ZNF132: variants seen among roughly 807,000 people sequenced by gnomAD.
The protein encoded by ZNF132 is zinc finger protein 132 (clone pHZ-12).
A neutral mutation model predicts 9.3 loss-of-function variants in ZNF132; 6 were observed. The ratio of observed to expected loss-of-function variants is 0.65; its 90% CI spans 0.35 to 1.28. ZNF132 has a LOEUF of 1.28. Among genes scored for constraint, ZNF132 ranks in the 50% most tolerant of loss-of-function variants. The pLI, the probability that ZNF132 is intolerant of heterozygous loss-of-function variation, is 0.03. For missense variants in ZNF132, 877 were observed against 843.2 expected, an observed-to-expected ratio of 1.04 and a Z score of -0.50; for synonymous variants, 296 against 292.0, an observed-to-expected ratio of 1.01 and a Z score of -0.14.
chr19:58,432,861 G>T lies in ZNF132; in HGVS notation c.*462C>A, dbSNP rs753192900. 101 of 170,536 alleles carry T rather than the reference G, an allele frequency of 5.9e-4. No homozygotes were observed. Among genetic ancestry groups the T allele is most frequent in the Non-Finnish European group, 1.1e-3 (86 of 77,856 alleles). 10.6% of individuals were successfully genotyped at this position (170,536 alleles called of 1,614,324 possible). ...ATTATCACCAGTTAGTGCAGGCAAGGTAGGTGATTCCAGTGGAGGGTGATT... is the reference window on the plus strand; with the variant it reads ...ATTATCACCAGTTAGTGCAGGCAAGTTAGGTGATTCCAGTGGAGGGTGATT... On this transcript the variant is annotated 3_prime_UTR_variant, in exon 3 of 3. Coordinates refer to ENST00000254166, the MANE Select transcript of ZNF132 (RefSeq NM_003433.4).
At position 58,439,115 on chromosome 19, in the gene ZNF132, A is replaced by G. The variant is rs563193892; in HGVS notation, c.63+644T>C. Among the ~76,000 whole-genome samples the G allele has an allele frequency of 2.6e-5, 4 of 152,302 alleles. No individual in the cohort carries two copies. In the South Asian group the frequency reaches 8.3e-4, roughly 32 times the overall value. ...ATTTCACTTTCTTTCACTGTCCCAC[A>G]TCAGGTAATCCATGGCCCAGTTTGG... is the stretch of plus-strand genomic sequence containing the variant. On this transcript the variant is annotated intron_variant, in intron 1 of 2. Coordinates refer to ENST00000254166, the MANE Select transcript of ZNF132 (RefSeq NM_003433.4).
intron 1 of ZNF132, among the ~76,000 whole-genome samples, chr19:58,439,466 G>A (rs1331548365): frequency 2.0e-5 from 3 of 152,200 alleles, no homozygotes; most frequent in Admixed American, 6.5e-5. Context: ...GCAGTCCCCA[G>A]AATGCTTCCA....
chr19:58,437,050 G>A lies in ZNF132; in HGVS notation c.229C>T (p.Leu77Phe), dbSNP rs373902742. The change falls in exon 2 of 3, where the codon CTT (leucine) becomes TTT (phenylalanine). Residue 77 changes from leucine to phenylalanine, a missense_variant. By Grantham distance (22) the Leu-to-Phe change is conservative. Coordinates refer to ENST00000254166, the MANE Select transcript of ZNF132 (RefSeq NM_003433.4). Reference protein sequence around the residue: ...MLENLELVTSLGSWHGVEGEG... With the variant: ...MLENLELVTSFGSWHGVEGEG... ...CCATGCTGAGACAGGGCATTACCAA[G>A]TGAGGTCACAAGCTCAAGGTTTTCC... 4.6e-5 allele frequency: 74 copies of A among 1,614,046 alleles called. No homozygotes were observed. Among genetic ancestry groups the A allele is most frequent in the Non-Finnish European group, 6.2e-5 (73 of 1,180,044 alleles).
At position 58,435,229 on chromosome 19, in the gene ZNF132, C is replaced by A. The variant is rs1490845761; in HGVS notation, c.233-18G>T. 1 of 1,589,168 alleles carries A rather than the reference C, an allele frequency of 6.3e-7. No individual in the cohort carries two copies. On this transcript the variant is annotated intron_variant, in intron 2 of 2. Coordinates refer to ENST00000254166, the MANE Select transcript of ZNF132 (RefSeq NM_003433.4). ...CCAAGAACCTGAAAGTAGAGAAATG[C>A]CAGTTAACTAAGAATTCCACTTGGT...
At chr19:58,437,742 G>A (rs903109760) in intron 1 of ZNF132, 2 of 985,162 alleles carry the variant, frequency 2.0e-6, no homozygotes, top group African/African-American at 3.5e-5. Flanking sequence ...GATGCAACCG[G>A]GATCCATTCC....
Position 58,434,062 on chromosome 19 carries a change from C to G in ZNF132, c.1382G>C (p.Cys461Ser). The G allele has an allele frequency of 8.7e-6, 14 of 1,614,148 alleles. No individual in the cohort carries two copies. The highest frequency in any genetic ancestry group is 1.2e-5 in the Non-Finnish European group (14 of 1,180,016). The change falls in exon 3 of 3, where the codon TGC becomes TCC. Residue 461 changes from cysteine to serine, a missense_variant. Physicochemically the swap from Cys to Ser is moderately radical, Grantham distance 112. Coordinates refer to ENST00000254166, the MANE Select transcript of ZNF132 (RefSeq NM_003433.4). Reference protein sequence around the residue: ...KVHTGERPFECSECGRDFSQS... With the variant: ...KVHTGERPFESSECGRDFSQS... Reference sequence around the variant, plus strand: ...GCTGAAGTCTCTTCCACATTCACTGCACTCAAAAGGCCGTTCTCCGGTGTG... The same window carrying G: ...GCTGAAGTCTCTTCCACATTCACTGGACTCAAAAGGCCGTTCTCCGGTGTG...
chr19:58,434,028 G>A lies in ZNF132; in HGVS notation c.1416C>T (p.Ser472=), dbSNP rs780423703. 1.2e-5 allele frequency: 20 copies of A among 1,613,828 alleles called. No homozygotes were observed. The highest frequency in any genetic ancestry group is 1.7e-5 in the Non-Finnish European group (20 of 1,179,972). Residue 472 remains serine, a synonymous_variant, in exon 3 of 3, where the codon TCC becomes TCT. Coordinates refer to ENST00000254166, the MANE Select transcript of ZNF132 (RefSeq NM_003433.4). ...GAACTTTCTGATGTCGAAGGAGATG[G>A]GAGCTTTGGCTGAAGTCTCTTCCAC... The part of the protein sequence containing the change: ...SECGRDFSQS[S]HLLRHQKVHT...
Position 58,436,833 on chromosome 19 carries a change from G to A in ZNF132, c.232+214C>T. 4.2e-6 allele frequency: 3 copies of A among 708,838 alleles called. No individual in the cohort carries two copies. The South Asian group carries it at 4.4e-5, about 10-fold the overall frequency. 43.9% of individuals were successfully genotyped at this position (708,838 alleles called of 1,614,324 possible). ...GATCCCCAACCTTTGCCTCCACAAGGCTCCTGGGCAACAGCTATTAGGAAA... is the reference window on the plus strand; with the variant it reads ...GATCCCCAACCTTTGCCTCCACAAGACTCCTGGGCAACAGCTATTAGGAAA... On this transcript the variant is annotated intron_variant, in intron 2 of 2. Transcript: ENST00000254166.
Position 58,434,931 on chromosome 19 carries a change from T to A in ZNF132, c.513A>T (p.Arg171Ser). Residue 171 changes from arginine (R) to serine (S), a missense_variant, in exon 3 of 3, where the codon AGA becomes AGT. By Grantham distance (110) the Arg-to-Ser change is moderately radical. Transcript: ENST00000254166. ...QKEHSGGKPF[R>S]WYKDRDALMK... is the part of the protein sequence containing the mutation. The stretch of plus-strand genomic sequence containing the variant: ...TAAGTGCGTCCCTGTCCTTGTACCA[T>A]CTAAAGGGCTTCCCTCCACTGTGCT... 1 of 1,614,162 alleles carries A rather than the reference T, an allele frequency of 6.2e-7. No homozygotes were observed. The highest frequency in any genetic ancestry group is 1.1e-5 in the South Asian group (1 of 91,076).
rs2052793888 is a variant in ZNF132, at chr19:58,439,978, C to T, written c.-157G>A. On this transcript the variant is annotated 5_prime_UTR_variant, in exon 1 of 3. Coordinates refer to ENST00000254166, the MANE Select transcript of ZNF132 (RefSeq NM_003433.4). ...GCTGGGTATGGAGACCCTGGAGACGCGTGGCGCTGGCTCCACTTTCGGGAA... is the reference window on the plus strand; with the variant it reads ...GCTGGGTATGGAGACCCTGGAGACGTGTGGCGCTGGCTCCACTTTCGGGAA... The T allele has an allele frequency of 2.9e-6, 2 of 697,626 alleles. No individual in the cohort carries two copies. The highest frequency in any genetic ancestry group is 1.9e-5 in the African/African-American group (1 of 52,440). 43.2% of individuals were successfully genotyped at this position (697,626 alleles called of 1,614,324 possible).
At chr19:58,437,246 G>A (rs773397107) in intron 1 of ZNF132, 31 bp from the exon 2 acceptor site, 1 of 1,562,848 alleles carries the variant, frequency 6.4e-7, no homozygotes, top group Non-Finnish European at 8.6e-7. Flanking sequence ...TGGTCAAATG[G>A]AAATATGCAG....
chr19:58,439,863 T>C lies in ZNF132; in HGVS notation c.-42A>G. ...CTAGCCCTGCCGCTGGGCCGAACCC[T>C]CACACTTCCGCTGGGTGACGGTCGC... On this transcript the variant is annotated 5_prime_UTR_variant, in exon 1 of 3. Transcript: ENST00000254166. 6.5e-7 allele frequency: 1 copy of C among 1,529,080 alleles called. No homozygotes were observed. The highest frequency in any genetic ancestry group is 8.8e-7 in the Non-Finnish European group (1 of 1,136,280). The allele number at this position is 1,529,080 out of a possible 1,614,324, so 94.7% of individuals were successfully genotyped here. A position where few individuals can be genotyped will look rare whatever the true frequency, so the allele number is the denominator to read the frequency against.
At position 58,433,001 on chromosome 19, in the gene ZNF132, C is replaced by T. The variant is rs1449549485; in HGVS notation, c.*322G>A. The T allele has an allele frequency of 2.4e-5, 8 of 330,994 alleles. No homozygotes were observed. Among genetic ancestry groups the T allele is most frequent in the Non-Finnish European group, 4.4e-5 (8 of 182,672 alleles). The allele number at this position is 330,994 out of a possible 1,614,324, so 20.5% of individuals were successfully genotyped here. Reference sequence around the variant, plus strand: ...TCCCTCAAGGCCCCTCAACCAGCATCGGTTCAGCTGAGCACAGTCCTGAAT... The same window carrying T: ...TCCCTCAAGGCCCCTCAACCAGCATTGGTTCAGCTGAGCACAGTCCTGAAT... On this transcript the variant is annotated 3_prime_UTR_variant, in exon 3 of 3. Transcript: ENST00000254166.
rs2052794289 is a variant in ZNF132, at chr19:58,440,031, T to C, written c.-210A>G. On this transcript the variant is annotated 5_prime_UTR_variant, in exon 1 of 3. Coordinates refer to ENST00000254166, the MANE Select transcript of ZNF132 (RefSeq NM_003433.4). ...CCTTGGCTCATAAAAGCAGAGTAAT[T>C]AGCCGGGCACTATGGTGCGTGTGAA... The C allele has an allele frequency of 3.5e-6, 2 of 566,394 alleles. No homozygotes were observed. Among genetic ancestry groups the C allele is most frequent in the South Asian group, 2.3e-5 (1 of 44,354 alleles). 35.1% of individuals were successfully genotyped at this position (566,394 alleles called of 1,614,324 possible).
At position 58,434,927 on chromosome 19, in the gene ZNF132, A is replaced by G; in HGVS notation, c.517T>C (p.Tyr173His). The G allele has an allele frequency of 1.2e-6, 2 of 1,614,082 alleles. No homozygotes were observed. Among genetic ancestry groups the G allele is most frequent in the Non-Finnish European group, 8.5e-7 (1 of 1,180,006 alleles). The change falls in exon 3 of 3, where the codon TAC (tyrosine) becomes CAC (histidine). Residue 173 changes from tyrosine to histidine, a missense_variant. Physicochemically the swap from Tyr to His is moderately conservative, Grantham distance 83. Transcript: ENST00000254166. The part of the protein sequence containing the change: ...EHSGGKPFRW[Y>H]KDRDALMKSS... ...TTCATAAGTGCGTCCCTGTCCTTGT[A>G]CCATCTAAAGGGCTTCCCTCCACTG...
In ZNF132 at chr19:58,437,221, A is replaced by G. The variant is rs141827864; in HGVS notation, c.64-6T>C. The G allele has an allele frequency of 9.5e-6, 15 of 1,580,066 alleles. No individual in the cohort carries two copies. In the African/African-American group the frequency reaches 1.4e-4, roughly 14 times the overall value. ...CCACAGGGCCAAGAAGTATGCTGAC[A>G]AAGAAACAAACAATTGGTCAAATGG... On this transcript the variant is annotated splice_polypyrimidine_tract_variant and splice_region_variant and intron_variant, in intron 1 of 2. Transcript: ENST00000254166.
In ZNF132 at chr19:58,434,430, CTGA is replaced by C. The variant is rs2052760906; in HGVS notation, c.1011_1013del (p.His337del). On this transcript the variant is annotated inframe_deletion, in exon 3 of 3. Transcript: ENST00000254166. ...AAGGTCTTTCTCCTGAGTGAATTCTCTGATGATGAACAAATGTGAGTTTGTGGT... is the reference window on the plus strand; with the variant it reads ...AAGGTCTTTCTCCTGAGTGAATTCTCTGATGAACAAATGTGAGTTTGTGGT... 6.2e-7 allele frequency: 1 copy of C among 1,614,246 alleles called. No homozygotes were observed. The highest frequency in any genetic ancestry group is 8.5e-7 in the Non-Finnish European group (1 of 1,180,056).
Position 58,437,149 on chromosome 19 carries a change from C to A in ZNF132, c.130G>T (p.Ala44Ser), listed in dbSNP as rs1254861620. Reference sequence around the variant, plus strand: ...CACTCCTCTTGGGAGAAGTATACAGCCACATCTTCAAAGGTTACCATGCTC... The same window carrying A: ...CACTCCTCTTGGGAGAAGTATACAGACACATCTTCAAAGGTTACCATGCTC... Reference protein sequence around the residue: ...LKSMVTFEDVAVYFSQEEWEL... With the variant: ...LKSMVTFEDVSVYFSQEEWEL... The change falls in exon 2 of 3, where the codon GCT becomes TCT. Residue 44 changes from alanine to serine, a missense_variant. By Grantham distance (99) the Ala-to-Ser change is moderately conservative. Transcript: ENST00000254166. 1 of 1,614,108 alleles carries A rather than the reference C, an allele frequency of 6.2e-7. No individual in the cohort carries two copies. Among genetic ancestry groups the A allele is most frequent in the South Asian group, 1.1e-5 (1 of 91,076 alleles).
rs370890593 is a variant in ZNF132 at position 58,439,861 on chromosome 19, C to T, written c.-40G>A. 60 of 1,528,382 alleles carry T rather than the reference C, an allele frequency of 3.9e-5. No homozygotes were observed. Among genetic ancestry groups the T allele is most frequent in the Non-Finnish European group, 4.8e-5 (54 of 1,136,204 alleles). 94.7% of individuals were successfully genotyped at this position (1,528,382 alleles called of 1,614,324 possible). A position where few individuals can be genotyped will look rare whatever the true frequency, so the allele number is the denominator to read the frequency against. On this transcript the variant is annotated 5_prime_UTR_variant, in exon 1 of 3. Transcript: ENST00000254166. ...GGCTAGCCCTGCCGCTGGGCCGAAC[C>T]CTCACACTTCCGCTGGGTGACGGTC...
Sources: gnomAD v4.1 joint callset for allele counts (sites outside exome capture counted in the v4.1 genomes callset) on GRCh38, gnomAD v4.1.1 for gene constraint, MANE v1.5 for transcripts, NCBI Gene and HGNC (gene_info 2026-07-23, HGNC 2026-07-21) for gene names.